Variants in AGBL1 observed in about 807,000 individuals in gnomAD.
AGBL1 encodes cytosolic carboxypeptidase 4.
Under a neutral mutation model 118.9 loss-of-function variants are expected in AGBL1, and 130 were observed. The ratio of observed to expected loss-of-function variants is 1.09; its 90% CI spans 0.95 to 1.26. The LOEUF is 1.26. Among genes scored for constraint, AGBL1 ranks in the 50% most tolerant of loss-of-function variants. The pLI, the probability that AGBL1 is intolerant of heterozygous loss-of-function variation, is 0.00. For synonymous variants in AGBL1, 555 were observed against 478.9 expected (o/e 1.16, Z -2.08); for missense variants, 1,584 against 1,298.1 (o/e 1.22, Z -3.38).
intron 7 of AGBL1, among the ~76,000 whole-genome samples, chr15:86,249,706 C>G (rs2078779224): frequency 6.6e-6 from 1 of 152,132 alleles, no homozygotes; most frequent in Non-Finnish European, 1.5e-5. Context: ...TTCCTCTGCC[C>G]TCCATGTTAT....
chr15:86,705,097 C>T (rs1173428016), intron 22 of AGBL1, among the ~76,000 whole-genome samples: 1 of 151,980 alleles, frequency 6.6e-6, no homozygotes. Flanking sequence ...AACACATGGA[C>T]ACAGGGAGGG....
At chr15:86,320,123 C>G (rs984233126) in intron 17 of AGBL1, among the ~76,000 whole-genome samples, 1 of 151,988 alleles carries the variant, frequency 6.6e-6, no homozygotes, top group South Asian at 2.1e-4. Context: ...ATCAGCTTGT[C>G]TACTTTTAAA....
At chr15:86,887,683 C>A (rs957129148) in intron 22 of AGBL1, among the ~76,000 whole-genome samples, 3 of 152,142 alleles carry the variant, frequency 2.0e-5, no homozygotes, top group Admixed American at 6.6e-5. Flanking sequence ...ACTTTTAATT[C>A]CCTGACATTG....
chr15:86,545,893 A>G, intron 19 of AGBL1, 109 bp from the exon 20 acceptor site: 1 of 1,344,282 alleles, frequency 7.4e-7, no homozygotes, highest in Non-Finnish European at 1.0e-6. Flanking sequence ...GAAAGTTGAC[A>G]TTGTAAACTT....
intron 4 of AGBL1, among the ~76,000 whole-genome samples, chr15:86,156,794 C>CTTTTTTTTTTTTTTTTTTTTT (rs773611214): frequency 9.5e-6 from 1 of 105,564 alleles, no homozygotes; most frequent in Non-Finnish European, 2.0e-5. Flanking sequence ...TCTTTTCTTT[C>CTTTTTTTTTTTTTTTTTTTTT]TTTTTTTTTT....
chr15:86,986,002 C>A (rs2141731014), intron 23 of AGBL1, among the ~76,000 whole-genome samples: 1 of 151,896 alleles, frequency 6.6e-6, no homozygotes, highest in South Asian at 2.1e-4. Context: ...TGGCTCACTG[C>A]AACTTCTGTC....
intron 22 of AGBL1, among the ~76,000 whole-genome samples, chr15:86,849,517 C>CTTTTTT (rs68185029): frequency 0.2 from 27,570 of 135,326 alleles, 2,663 homozygotes; most frequent in Non-Finnish European, 0.25. Flanking sequence ...TTCTTTCTTT[C>CTTTTTT]TTTTTTTTTT....
intron 21 of AGBL1, among the ~76,000 whole-genome samples, chr15:86,627,749 T>C (rs1360430388): frequency 6.6e-6 from 1 of 150,526 alleles, no homozygotes; most frequent in Non-Finnish European, 1.5e-5. Flanking sequence ...GAAGAGAGAG[T>C]TCCTTGAAGA....
rs138988741 is a variant in AGBL1 at position 86,104,207 on chromosome 15, T to C, written c.51+24184T>C. ...TTGGGGAGGATAAAGATGGGCCAGG[T>C]GGGTGTGTCCTCTGGCCCTCTGGTA... On this transcript the variant is annotated intron_variant, in intron 1 of 22. Transcript: ENST00000614907. 3.3e-3 allele frequency among the ~76,000 whole-genome samples: 495 copies of C among 152,136 alleles called. 16 individuals are homozygous for C. In the South Asian group the frequency reaches 0.067, roughly 20 times the overall value.
intron 5 of AGBL1, among the ~76,000 whole-genome samples, chr15:86,203,548 C>G (rs531654901): frequency 6.6e-6 from 1 of 152,260 alleles, no homozygotes; most frequent in South Asian, 2.1e-4. Context: ...GACTCACAGG[C>G]TTTTTGAGTT....
rs775628873 is a variant in AGBL1 at position 86,522,844 on chromosome 15, A to G, written c.2590A>G (p.Arg864Gly). ...CTCACTGAGCGGGGAAGATTTGAAC[A>G]GACAATGGCTTTCTCCCAGTGCTCA... ...RCSLSGEDLN[R>G]QWLSPSAHLQ... Residue 864 changes from arginine to glycine, a missense_variant, in exon 19 of 23, where the codon AGA (arginine) becomes GGA (glycine). By Grantham distance (125) the Arg-to-Gly change is moderately radical. Transcript: ENST00000614907. 1.2e-6 allele frequency: 2 copies of G among 1,613,844 alleles called. No individual in the cohort carries two copies. The highest frequency in any genetic ancestry group is 1.7e-6 in the Non-Finnish European group (2 of 1,179,730).
chr15:86,502,421 A>G (rs192065909), intron 18 of AGBL1, among the ~76,000 whole-genome samples: 4 of 151,494 alleles, frequency 2.6e-5, no homozygotes, highest in East Asian at 3.9e-4. Flanking sequence ...GGATGCTTTT[A>G]ATTTCATTTT....
intron 17 of AGBL1, among the ~76,000 whole-genome samples, chr15:86,350,582 T>G (rs1458147959): frequency 6.6e-6 from 1 of 152,154 alleles, no homozygotes; most frequent in African/African-American, 2.4e-5. Context: ...ATGTGCTTGG[T>G]CTCCAGGATT....
At chr15:86,688,129 T>C (rs918005542) in intron 22 of AGBL1, among the ~76,000 whole-genome samples, 6 of 152,144 alleles carry the variant, frequency 3.9e-5, no homozygotes, top group African/African-American at 1.4e-4. Context: ...CGTTGTTTCA[T>C]GTATGAATGC....
chr15:86,546,431 A>T (rs1464582604), intron 20 of AGBL1, among the ~76,000 whole-genome samples: 1 of 152,124 alleles, frequency 6.6e-6, no homozygotes, highest in Non-Finnish European at 1.5e-5. Flanking sequence ...ACCTGGCTTT[A>T]CAATTATTCG....
At chr15:86,825,538 C>CA (rs1198543982) in intron 22 of AGBL1, among the ~76,000 whole-genome samples, 2 of 149,782 alleles carry the variant, frequency 1.3e-5, no homozygotes, top group Admixed American at 6.7e-5. Context: ...ACAAAATACC[C>CA]AAAAAAGAGA....
chr15:86,828,103 C>T (rs546598092), intron 22 of AGBL1, among the ~76,000 whole-genome samples: 211 of 151,546 alleles, frequency 1.4e-3, no homozygotes, highest in Non-Finnish European at 2.2e-3. Context: ...CCTTGCCCAA[C>T]TAATTCTAAA....
intron 22 of AGBL1, among the ~76,000 whole-genome samples, chr15:86,862,782 A>G (rs561693834): frequency 9.2e-5 from 14 of 152,314 alleles, no homozygotes; most frequent in East Asian, 1.9e-4. Context: ...TTTGGCCACA[A>G]GCATTTACGT....
chr15:86,771,847 G>A (rs893498969), intron 22 of AGBL1, among the ~76,000 whole-genome samples: 2 of 152,000 alleles, frequency 1.3e-5, no homozygotes, highest in African/African-American at 4.8e-5. Flanking sequence ...CAGTTAGAGA[G>A]CCTATTGGCC....
Sources: gnomAD v4.1 joint callset for allele counts (sites outside exome capture counted in the v4.1 genomes callset) on GRCh38, gnomAD v4.1.1 for gene constraint, MANE v1.5 for transcripts, NCBI Gene and HGNC (gene_info 2026-07-23, HGNC 2026-07-21) for gene names.